Variants in COQ4 observed in about 807,000 individuals in gnomAD.
COQ4 encodes coenzyme Q4.
In COQ4, 36 loss-of-function variants were observed where a neutral mutation model predicts 30.2. The ratio of observed to expected loss-of-function variants is 1.19; its 90% CI spans 0.91 to 1.57. The LOEUF (loss-of-function observed/expected upper bound fraction) is 1.57. COQ4 is among the 40% of genes most tolerant of loss of function. The pLI is 0.00. For synonymous variants in COQ4, 197 were observed against 161.0 expected, an observed-to-expected ratio of 1.22 and a Z score of -1.69; for missense variants, 369 against 371.9, an observed-to-expected ratio of 0.99 and a Z score of 0.07.
chr9:128,332,721 G>A, intron 5 of COQ4, 129 bp from the exon 6 acceptor site: 1 of 778,876 alleles, frequency 1.3e-6, no homozygotes, highest in Non-Finnish European at 2.3e-6. Context: ...CCCAGCACAG[G>A]CCAGGACTGG....
chr9:128,325,111 TC>T (rs1338771487), intron 2 of COQ4, 31 bp from the exon 3 acceptor site: 1 of 1,527,038 alleles, frequency 6.5e-7, no homozygotes, highest in Admixed American at 1.7e-5. Flanking sequence ...TAAGATGACA[TC>T]CCCCATTTGT....
At chr9:128,327,574 C>T (rs1452775739) in intron 4 of COQ4, among the ~76,000 whole-genome samples, 4 of 151,746 alleles carry the variant, frequency 2.6e-5, no homozygotes, top group South Asian at 2.1e-4. Context: ...CTGAAGTGGG[C>T]GGATCACTTG....
At chr9:128,325,070 CAA>C (rs1192928105) in intron 2 of COQ4, 71 bp from the exon 3 acceptor site, 3 of 1,052,258 alleles carry the variant, frequency 2.9e-6, no homozygotes, top group Non-Finnish European at 4.4e-6. Context: ...CTGTAGGAAA[CAA>C]AGGCTCAGAC....
chr9:128,333,442 T>A, intron 6 of COQ4, 32 bp from the exon 7 acceptor site: 2 of 1,483,132 alleles, frequency 1.3e-6, no homozygotes, highest in Non-Finnish European at 1.8e-6. Flanking sequence ...CCCAGGGACT[T>A]GATGTTTTCT....
At chr9:128,330,358 G>A (rs1468934678) in intron 4 of COQ4, 3 of 151,340 alleles carry the variant, frequency 2.0e-5, no homozygotes, top group African/African-American at 7.3e-5. Flanking sequence ...GGGCGACAGA[G>A]TGAGACTCCA....
rs750609726 is a variant in COQ4, at chr9:128,333,527, G to C, written c.680G>C (p.Arg227Pro). The change falls in exon 7 of 7, where the codon CGC becomes CCC. Residue 227 changes from arginine to proline, a missense_variant. Transcript: ENST00000300452. ...ATCCCATGGGCCGTTCAGAACGGGC[G>C]CAGAGCCCCATGTGTCCTCAACCTG... Reference protein sequence around the residue: ...ELIPWAVQNGRRAPCVLNLYY... With the variant: ...ELIPWAVQNGPRAPCVLNLYY... 6.2e-7 allele frequency: 1 copy of C among 1,601,322 alleles called. No homozygotes were observed.
At chr9:128,330,056 T>C (rs1009399144) in intron 4 of COQ4, among the ~76,000 whole-genome samples, 2 of 152,130 alleles carry the variant, frequency 1.3e-5, no homozygotes, top group South Asian at 2.1e-4. Context: ...AGACAGGCTG[T>C]CTGGATACTG....
chr9:128,333,641 C>T lies in COQ4; in HGVS notation c.794C>T (p.Ala265Val), dbSNP rs1832452904. ...TAPPMHVQGL[A>V] ...CCACCCATGCACGTCCAGGGCTTGGCCTGAGCTCCTGAGCCAGCGGGGCCT... is the reference window on the plus strand; with the variant it reads ...CCACCCATGCACGTCCAGGGCTTGGTCTGAGCTCCTGAGCCAGCGGGGCCT... Residue 265 changes from alanine (A) to valine (V), a missense_variant, in exon 7 of 7, where the codon GCC (alanine) becomes GTC (valine). Coordinates refer to ENST00000300452, the MANE Select transcript of COQ4 (RefSeq NM_016035.5). The T allele has an allele frequency of 5.8e-6, 9 of 1,539,522 alleles. No homozygotes were observed. Among genetic ancestry groups the T allele is most frequent in the African/African-American group, 2.8e-5 (2 of 71,964 alleles).
In COQ4 at chr9:128,333,544, C is replaced by T; in HGVS notation, c.697C>T (p.Leu233Phe). Reference sequence around the variant, plus strand: ...GAACGGGCGCAGAGCCCCATGTGTCCTCAACCTGTACTATGAGCGGCGCTG... The same window carrying T: ...GAACGGGCGCAGAGCCCCATGTGTCTTCAACCTGTACTATGAGCGGCGCTG... Reference protein sequence around the residue: ...VQNGRRAPCVLNLYYERRWEQ... With the variant: ...VQNGRRAPCVFNLYYERRWEQ... The change falls in exon 7 of 7, where the codon CTC becomes TTC. Residue 233 changes from leucine (L) to phenylalanine (F), a missense_variant. Physicochemically the swap from Leu to Phe is conservative, Grantham distance 22. Coordinates refer to ENST00000300452, the MANE Select transcript of COQ4 (RefSeq NM_016035.5). The T allele has an allele frequency of 6.2e-7, 1 of 1,610,258 alleles. No individual in the cohort carries two copies. The highest frequency in any genetic ancestry group is 8.5e-7 in the Non-Finnish European group (1 of 1,178,498).
intron 5 of COQ4, 22 bp downstream of exon 5, chr9:128,332,304 G>A (rs749122485): frequency 6.2e-7 from 1 of 1,610,656 alleles, no homozygotes; most frequent in Non-Finnish European, 8.5e-7. Context: ...CAACCCTGAT[G>A]GCCTGTCTCC....
chr9:128,326,676 C>T (rs1832327049), intron 4 of COQ4, among the ~76,000 whole-genome samples: 1 of 152,064 alleles, frequency 6.6e-6, no homozygotes, highest in Admixed American at 6.6e-5. Context: ...ATCTCCTGAC[C>T]ACGTGATCCG....
chr9:128,325,075 G>A, intron 2 of COQ4, 68 bp from the exon 3 acceptor site: 1 of 1,102,976 alleles, frequency 9.1e-7, no homozygotes, highest in Non-Finnish European at 1.4e-6. Flanking sequence ...GGAAACAAAG[G>A]CTCAGACCAG....
chr9:128,332,013 A>T, intron 4 of COQ4, 140 bp from the exon 5 acceptor site: 1 of 972,338 alleles, frequency 1.0e-6, no homozygotes, highest in Non-Finnish European at 1.5e-6. Flanking sequence ...TACAGGCATG[A>T]GCCTCGGCCC....
In COQ4 at chr9:128,333,602, T is replaced by C. The variant is rs1428292651; in HGVS notation, c.755T>C (p.Leu252Pro). 1.2e-6 allele frequency: 2 copies of C among 1,604,306 alleles called. No individual in the cohort carries two copies. Among genetic ancestry groups the C allele is most frequent in the Non-Finnish European group, 1.7e-6 (2 of 1,176,430 alleles). The change falls in exon 7 of 7, where the codon CTG becomes CCG. Residue 252 changes from leucine to proline, a missense_variant. Coordinates refer to ENST00000300452, the MANE Select transcript of COQ4 (RefSeq NM_016035.5). ...EQSLRALREELGITAPPMHVQ... is the reference protein window; with the variant it reads ...EQSLRALREEPGITAPPMHVQ... ...TCCCTGAGGGCTCTGCGGGAGGAGC[T>C]GGGCATTACAGCACCACCCATGCAC... is the stretch of plus-strand genomic sequence containing the variant.
At chr9:128,330,152 C>T (rs917080198) in intron 4 of COQ4, among the ~76,000 whole-genome samples, 2 of 150,400 alleles carry the variant, frequency 1.3e-5, no homozygotes, top group African/African-American at 2.5e-5. Context: ...GGGTGGATCA[C>T]GAAGTCAGGA....
In COQ4 at chr9:128,325,144, C is replaced by T; in HGVS notation, c.204C>T (p.Asp68=). ...TTGTGCCCGTTTCTGTCCTTTCAGACATGGTCGCAGTTCTAGGGGAGACCA... is the reference window on the plus strand; with the variant it reads ...TTGTGCCCGTTTCTGTCCTTTCAGATATGGTCGCAGTTCTAGGGGAGACCA... ...AMALYNPYRH[D]MVAVLGETTG... Residue 68 remains aspartate, a splice_region_variant and synonymous_variant, in exon 3 of 7, where the codon GAC becomes GAT. Coordinates refer to ENST00000300452, the MANE Select transcript of COQ4 (RefSeq NM_016035.5). The T allele has an allele frequency of 6.2e-7, 1 of 1,612,318 alleles. No individual in the cohort carries two copies.
At chr9:128,325,999 C>A in intron 4 of COQ4, 118 bp downstream of exon 4, 1 of 870,742 alleles carries the variant, frequency 1.1e-6, no homozygotes, top group Non-Finnish European at 1.9e-6. Context: ...GAGTGCTCTT[C>A]AGGCTCATGC....
At chr9:128,332,532 T>C (rs1832432267) in intron 5 of COQ4, 3 of 587,418 alleles carry the variant, frequency 5.1e-6, no homozygotes, top group South Asian at 2.1e-5. Context: ...TTTAGCTGCC[T>C]CCCTGCTCTG....
intron 4 of COQ4, 106 bp from the exon 5 acceptor site, chr9:128,332,047 A>C: frequency 1.5e-6 from 2 of 1,335,022 alleles, no homozygotes; most frequent in South Asian, 1.4e-5. Context: ...AGAGTTTTCT[A>C]GTAGGTATGA....
Sources: gnomAD v4.1 joint callset for allele counts (sites outside exome capture counted in the v4.1 genomes callset) on GRCh38, gnomAD v4.1.1 for gene constraint, MANE v1.5 for transcripts, NCBI Gene and HGNC (gene_info 2026-07-23, HGNC 2026-07-21) for gene names.